The following RUFY2 variants were observed in gnomAD, a reference collection of about 807,000 sequenced individuals.
RUFY2 encodes RUN and FYVE domain containing 2, also known as RUN and FYVE domain-containing protein 2.
Under a neutral mutation model 94.4 loss-of-function variants are expected in RUFY2, and 49 were observed. The observed-to-expected ratio is 0.52, with a 90% confidence interval of 0.41 to 0.66. The LOEUF is 0.66. Ranked by LOEUF, RUFY2 falls within the 30% of genes least tolerant of loss-of-function variation. The probability of loss-of-function intolerance (pLI) is 0.00; values close to 1 mark genes in which losing one functional copy is unlikely to be tolerated. For missense variants in RUFY2, 541 were observed against 692.8 expected, an observed-to-expected ratio of 0.78 and a Z score of 2.46; for synonymous variants, 255 against 235.7, an observed-to-expected ratio of 1.08 and a Z score of -0.75.
intron 7 of RUFY2, 45 bp from the exon 8 acceptor site, chr10:68,386,173 C>A: frequency 1.4e-6 from 2 of 1,475,734 alleles, no homozygotes; most frequent in Admixed American, 1.8e-5. Context: ...CACACGAACT[C>A]AAAAAGGCAC....
At chr10:68,381,674 G>A (rs1175965588) in intron 10 of RUFY2, among the ~76,000 whole-genome samples, 7 of 151,992 alleles carry the variant, frequency 4.6e-5, no homozygotes, top group African/African-American at 9.7e-5. Flanking sequence ...GTGAAACTCC[G>A]TCTCTACCAA....
At chr10:68,376,292 T>C (rs1320242073) in intron 13 of RUFY2, among the ~76,000 whole-genome samples, 1 of 147,884 alleles carries the variant, frequency 6.8e-6, no homozygotes, top group Non-Finnish European at 1.5e-5. Context: ...CCAGGCGTGG[T>C]GGCAGGCACC....
intron 16 of RUFY2, among the ~76,000 whole-genome samples, chr10:68,349,285 A>G (rs1189187485): frequency 6.6e-6 from 1 of 152,042 alleles, no homozygotes; most frequent in Non-Finnish European, 1.5e-5. Flanking sequence ...GGAGACTGAG[A>G]CGGAAGGATC....
At chr10:68,369,839 C>G (rs867586388) in intron 13 of RUFY2, among the ~76,000 whole-genome samples, 3 of 152,188 alleles carry the variant, frequency 2.0e-5, no homozygotes, top group South Asian at 4.2e-4. Context: ...ATGTCTTCTG[C>G]CATGTTATGA....
At position 68,367,192 on chromosome 10, in the gene RUFY2, C is replaced by T. The variant is rs76280092; in HGVS notation, c.1326-3079G>A. On this transcript the variant is annotated intron_variant, in intron 13 of 17. Transcript: ENST00000602465. ...TATCACTATAGAATAAGTTGCATTA[C>T]TGCAGAATATCAGATTTGTCTTACC... 2.5e-3 allele frequency among the ~76,000 whole-genome samples: 384 copies of T among 152,122 alleles called. 17 individuals are homozygous for T. In the East Asian group the frequency reaches 0.058, roughly 23 times the overall value.
Position 68,345,794 on chromosome 10 carries a change from G to C in RUFY2, c.1795C>G (p.Gln599Glu). 1 of 1,613,556 alleles carries C rather than the reference G, an allele frequency of 6.2e-7. No homozygotes were observed. Among genetic ancestry groups the C allele is most frequent in the Non-Finnish European group, 8.5e-7 (1 of 1,179,680 alleles). ...VCDSCHALLI[Q>E]RCSSNLP ...CAGGGCAAGTTAGATGAGCATCTCT[G>C]AATGAGCAGTGCATGACAGGAATCA... The change falls in exon 18 of 18, where the codon CAG (glutamine) becomes GAG (glutamate). Residue 599 changes from glutamine (Q) to glutamate (E), a missense_variant. Gln to Glu is a conservative substitution (Grantham distance 29). Transcript: ENST00000602465.
intron 13 of RUFY2, among the ~76,000 whole-genome samples, chr10:68,370,389 A>G (rs956462696): frequency 8.6e-5 from 13 of 152,046 alleles, no homozygotes; most frequent in African/African-American, 3.1e-4. Flanking sequence ...ACTGGTAACA[A>G]TGGAAGAGTA....
intron 16 of RUFY2, among the ~76,000 whole-genome samples, chr10:68,354,046 G>A (rs555598503): frequency 1.3e-5 from 2 of 152,170 alleles, no homozygotes; most frequent in Admixed American, 6.6e-5. Context: ...CTAAAAAACT[G>A]GAAGTAGCTC....
At chr10:68,360,262 A>AC (rs1421221331) in intron 15 of RUFY2, among the ~76,000 whole-genome samples, 1 of 151,764 alleles carries the variant, frequency 6.6e-6, no homozygotes, top group African/African-American at 2.4e-5. Flanking sequence ...ACATAGTGAG[A>AC]CCCCGCCTCC....
chr10:68,365,671 T>G (rs552377035), intron 13 of RUFY2, among the ~76,000 whole-genome samples: 5 of 152,358 alleles, frequency 3.3e-5, no homozygotes, highest in Non-Finnish European at 1.5e-5. Context: ...GTTCTGGTCT[T>G]TAATTAGCAG....
At chr10:68,353,918 A>T (rs536178000) in intron 16 of RUFY2, among the ~76,000 whole-genome samples, 20 of 152,118 alleles carry the variant, frequency 1.3e-4, no homozygotes, top group Non-Finnish European at 2.6e-4. Context: ...GAGTGAGCAA[A>T]ACTCTTCATC....
intron 16 of RUFY2, among the ~76,000 whole-genome samples, chr10:68,348,185 AT>A (rs375494025): frequency 0.064 from 9,175 of 143,144 alleles, 400 homozygotes; most frequent in East Asian, 0.15. Context: ...GAATCATAGA[AT>A]TTTTTTTTTT....
intron 13 of RUFY2, among the ~76,000 whole-genome samples, 164 bp downstream of exon 13, chr10:68,376,689 T>G (rs1205045878): frequency 2.0e-5 from 3 of 151,396 alleles, no homozygotes; most frequent in Middle Eastern, 3.4e-3. Flanking sequence ...AACATAAGTA[T>G]TATTACAATT....
At chr10:68,395,277 G>T (rs1450488697) in intron 4 of RUFY2, among the ~76,000 whole-genome samples, 6 of 151,822 alleles carry the variant, frequency 4.0e-5, no homozygotes, top group African/African-American at 1.5e-4. Flanking sequence ...GGCAGAGGTT[G>T]CAGTGAGCCA....
In RUFY2 at chr10:68,345,334, ATC is replaced by A; in HGVS notation, c.*432_*433del. ...TTGAAATCTTACAAAGATAATGAAA[ATC>A]TGTTGAATTAGAATATTAATAATTT... On this transcript the variant is annotated 3_prime_UTR_variant, in exon 18 of 18. Transcript: ENST00000602465. 3.1e-6 allele frequency: 1 copy of A among 326,342 alleles called. No individual in the cohort carries two copies. Among genetic ancestry groups the A allele is most frequent in the East Asian group, 4.7e-5 (1 of 21,182 alleles). The allele number at this position is 326,342 out of a possible 1,614,324, so 20.2% of individuals were successfully genotyped here. A position where few individuals can be genotyped will look rare whatever the true frequency, so the allele number is the denominator to read the frequency against.
chr10:68,399,653 C>T (rs1381106050), intron 3 of RUFY2, among the ~76,000 whole-genome samples: 1 of 152,190 alleles, frequency 6.6e-6, no homozygotes, highest in African/African-American at 2.4e-5. Flanking sequence ...TATATAAACC[C>T]TAAGTTGTAA....
intron 1 of RUFY2, among the ~76,000 whole-genome samples, chr10:68,406,189 C>T (rs1408280592): frequency 6.6e-6 from 1 of 151,586 alleles, no homozygotes; most frequent in Non-Finnish European, 1.5e-5. Context: ...AACAAAAAAC[C>T]CAGAGTCTCC....
At chr10:68,346,704 C>A (rs1483962869) in intron 16 of RUFY2, 2 of 152,118 alleles carry the variant, frequency 1.3e-5, no homozygotes, top group African/African-American at 4.8e-5. Flanking sequence ...TGTTTTGATA[C>A]AGGCATGCAA....
At chr10:68,381,168 C>T (rs2049033871) in intron 11 of RUFY2, 64 bp downstream of exon 11, 3 of 1,401,374 alleles carry the variant, frequency 2.1e-6, no homozygotes, top group South Asian at 3.0e-5. Context: ...TCTTAAAAAC[C>T]AAAACCTTTC....
Sources: gnomAD v4.1 joint callset for allele counts (sites outside exome capture counted in the v4.1 genomes callset) on GRCh38, gnomAD v4.1.1 for gene constraint, MANE v1.5 for transcripts, NCBI Gene and HGNC (gene_info 2026-07-23, HGNC 2026-07-21) for gene names.